Variants in PALM2AKAP2 observed in about 807,000 individuals in gnomAD.
The protein encoded by PALM2AKAP2 is PALM2-AKAP2 fusion protein.
A neutral mutation model predicts 71.5 loss-of-function variants in PALM2AKAP2; 37 were observed. That is an observed-to-expected ratio of 0.52 (90% CI 0.40 to 0.68). The LOEUF (loss-of-function observed/expected upper bound fraction) is 0.68, where lower values mean the gene tolerates loss of function less well. Ranked by LOEUF, PALM2AKAP2 falls within the 30% of genes least tolerant of loss-of-function variation. The pLI is 0.00. For synonymous variants in PALM2AKAP2, 468 were observed against 478.8 expected (o/e 0.98, Z 0.29); for missense variants, 1,224 against 1,191.8 (o/e 1.03, Z -0.40).
chr9:109,640,997 C>T (rs1827057976), intron 1 of PALM2AKAP2: 2 of 1,311,660 alleles, frequency 1.5e-6, no homozygotes, highest in Non-Finnish European at 2.0e-6. Flanking sequence ...GTGTGTACGC[C>T]TGGTGTTTCT....
At chr9:110,041,056 C>T (rs1216131238) in intron 7 of PALM2AKAP2, among the ~76,000 whole-genome samples, 1 of 152,198 alleles carries the variant, frequency 6.6e-6, no homozygotes, top group Non-Finnish European at 1.5e-5. Context: ...CCTCATAGGA[C>T]TTTGCTCCTG....
chr9:109,660,229 G>A (rs1207719366), intron 1 of PALM2AKAP2, among the ~76,000 whole-genome samples: 1 of 152,090 alleles, frequency 6.6e-6, no homozygotes, highest in African/African-American at 2.4e-5. Context: ...TAAGTTCTAG[G>A]GTACATGTGC....
At chr9:109,997,786 C>G (rs1005721464) in intron 6 of PALM2AKAP2, among the ~76,000 whole-genome samples, 1 of 152,138 alleles carries the variant, frequency 6.6e-6, no homozygotes, top group African/African-American at 2.4e-5. Context: ...AGAGCCACCA[C>G]CTGGAGTGGG....
At chr9:109,763,208 C>T (rs748749018) in intron 1 of PALM2AKAP2, among the ~76,000 whole-genome samples, 11 of 152,056 alleles carry the variant, frequency 7.2e-5, no homozygotes, top group Admixed American at 2.6e-4. Flanking sequence ...ACTCAGAGGG[C>T]GGAGGGACCA....
Position 109,847,903 on chromosome 9 carries a change from C to G in PALM2AKAP2, c.46-19588C>G, listed in dbSNP as rs910764674. ...TTGTGGATAAAGAGCAGACTATATT[C>G]TTTTTATAAGTAAGTCCACCTTTTA... On this transcript the variant is annotated intron_variant, in intron 1 of 9. Transcript: ENST00000302798. Among the ~76,000 whole-genome samples the G allele has an allele frequency of 3.3e-5, 5 of 152,182 alleles. No homozygotes were observed. In the South Asian group the frequency reaches 6.2e-4, roughly 19 times the overall value.
intron 1 of PALM2AKAP2, among the ~76,000 whole-genome samples, chr9:109,720,145 C>T (rs553029372): frequency 7.9e-5 from 12 of 152,156 alleles, no homozygotes; most frequent in African/African-American, 1.9e-4. Flanking sequence ...CATGCTACTG[C>T]GCCCAGCTAA....
At chr9:110,073,019 A>G (rs1286266733) in intron 1 of PALM2AKAP2, among the ~76,000 whole-genome samples, 1 of 152,212 alleles carries the variant, frequency 6.6e-6, no homozygotes, top group Non-Finnish European at 1.5e-5. Flanking sequence ...TAGAAACTTC[A>G]CACAACACCA....
intron 1 of PALM2AKAP2, among the ~76,000 whole-genome samples, chr9:109,839,346 G>A (rs183870345): frequency 0.024 from 3,685 of 152,130 alleles, 107 homozygotes; most frequent in African/African-American, 0.064. Context: ...CCCTTCATGC[G>A]AAAAACACTA....
intron 1 of PALM2AKAP2, among the ~76,000 whole-genome samples, chr9:110,084,687 A>G (rs942990333): frequency 2.6e-5 from 4 of 152,196 alleles, no homozygotes; most frequent in Admixed American, 2.6e-4. Flanking sequence ...GATAAAAAAA[A>G]GTCTGTGGGT....
chr9:109,872,100 A>C (rs745383263), intron 2 of PALM2AKAP2, among the ~76,000 whole-genome samples: 64 of 152,294 alleles, frequency 4.2e-4, no homozygotes, highest in Middle Eastern at 3.4e-3. Context: ...TTATTCCATT[A>C]ATCTGCCCAT....
At chr9:110,021,492 C>T (rs1833073298) in intron 7 of PALM2AKAP2, among the ~76,000 whole-genome samples, 3 of 152,208 alleles carry the variant, frequency 2.0e-5, no homozygotes, top group African/African-American at 4.8e-5. Flanking sequence ...CCAAGAATCA[C>T]ACCTATGCTT....
intron 6 of PALM2AKAP2, among the ~76,000 whole-genome samples, chr9:110,006,106 T>A (rs1477916406): frequency 6.6e-6 from 1 of 152,196 alleles, no homozygotes; most frequent in East Asian, 1.9e-4. Context: ...ATCGTTTGTC[T>A]TCTGCGTCAC....
At chr9:109,692,373 A>G (rs992438379) in intron 1 of PALM2AKAP2, among the ~76,000 whole-genome samples, 1 of 151,962 alleles carries the variant, frequency 6.6e-6, no homozygotes, top group Non-Finnish European at 1.5e-5. Context: ...AGGATTTTCT[A>G]TACAATCATG....
chr9:110,130,518 TTA>T (rs1475255271), intron 1 of PALM2AKAP2, among the ~76,000 whole-genome samples: 1 of 152,232 alleles, frequency 6.6e-6, no homozygotes, highest in African/African-American at 2.4e-5. Context: ...GGCTACCAGG[TTA>T]TGTTAAACAC....
chr9:109,730,845 G>A (rs977407780), intron 1 of PALM2AKAP2, among the ~76,000 whole-genome samples: 24 of 152,088 alleles, frequency 1.6e-4, no homozygotes, highest in Non-Finnish European at 4.4e-5. Context: ...AAGCAAGGGT[G>A]GAGATGTCTG....
intron 6 of PALM2AKAP2, among the ~76,000 whole-genome samples, chr9:109,957,824 A>G (rs748884678): frequency 4.6e-5 from 7 of 152,320 alleles, no homozygotes; most frequent in Middle Eastern, 3.4e-3. Context: ...AAATGGTTCC[A>G]GGTGATTCTA....
chr9:109,922,777 T>C (rs1830864230), intron 3 of PALM2AKAP2, among the ~76,000 whole-genome samples: 1 of 152,008 alleles, frequency 6.6e-6, no homozygotes, highest in African/African-American at 2.4e-5. Flanking sequence ...GTGGTAAGAG[T>C]TGCTCAATGG....
chr9:109,852,364 A>G (rs1029966762), intron 1 of PALM2AKAP2, among the ~76,000 whole-genome samples: 21 of 152,208 alleles, frequency 1.4e-4, no homozygotes, highest in African/African-American at 5.1e-4. Flanking sequence ...TGCAAAGAAC[A>G]TGATTTCATT....
intron 1 of PALM2AKAP2, among the ~76,000 whole-genome samples, chr9:109,699,548 C>A (rs950998742): frequency 7.2e-5 from 11 of 152,022 alleles, no homozygotes; most frequent in Non-Finnish European, 1.6e-4. Context: ...ATTATTCCAC[C>A]ATTAAAATCC....
Sources: allele counts gnomAD v4.1 joint callset (sites outside exome capture counted in the v4.1 genomes callset), GRCh38; gene constraint gnomAD v4.1.1; transcripts MANE v1.5; gene names NCBI Gene and HGNC (gene_info 2026-07-23, HGNC 2026-07-21).